The following DNM3 variants were observed in gnomAD, a reference collection of about 807,000 sequenced individuals.
DNM3 encodes dynamin 3.
Under a neutral mutation model 101.6 loss-of-function variants are expected in DNM3, and 47 were observed. The observed-to-expected ratio is 0.46, with a 90% CI of 0.37 to 0.59. The LOEUF (loss-of-function observed/expected upper bound fraction) is 0.59. Ranked by LOEUF, DNM3 falls within the 20% of genes least tolerant of loss-of-function variation. The pLI, the probability that DNM3 is intolerant of heterozygous loss-of-function variation, is 0.00. For synonymous variants in DNM3, 385 were observed against 387.9 expected, an observed-to-expected ratio of 0.99 and a Z score of 0.09; for missense variants, 849 against 1,085.7, an observed-to-expected ratio of 0.78 and a Z score of 3.06.
At chr1:172,117,453 A>AT (rs916491298) in intron 13 of DNM3, among the ~76,000 whole-genome samples, 9 of 152,122 alleles carry the variant, frequency 5.9e-5, no homozygotes, top group African/African-American at 1.4e-4. Context: ...TATTCTCATG[A>AT]TAGTGAGTAA....
chr1:172,233,252 A>G (rs2061407570), intron 14 of DNM3, among the ~76,000 whole-genome samples: 1 of 152,216 alleles, frequency 6.6e-6, no homozygotes, highest in South Asian at 2.1e-4. Context: ...AGAGAGTACT[A>G]TAAACAACTC....
intron 14 of DNM3, chr1:172,144,854 G>A (rs1403171088): frequency 6.2e-6 from 2 of 320,690 alleles, no homozygotes; most frequent in East Asian, 8.5e-5. Context: ...CTGGGCTGGA[G>A]AGTCCATATA....
chr1:172,343,807 CT>C (rs1005120163), intron 17 of DNM3, among the ~76,000 whole-genome samples: 2 of 151,740 alleles, frequency 1.3e-5, no homozygotes, highest in Admixed American at 6.6e-5. Flanking sequence ...CAGAATGGTC[CT>C]TTTTTTTGCC....
intron 17 of DNM3, among the ~76,000 whole-genome samples, chr1:172,353,802 C>A (rs1303164686): frequency 6.6e-6 from 1 of 152,002 alleles, no homozygotes; most frequent in Admixed American, 6.6e-5. Context: ...ATAAGTGAAA[C>A]AACTTGAAAA....
At chr1:171,957,359 G>A (rs560292899) in intron 2 of DNM3, among the ~76,000 whole-genome samples, 2 of 151,780 alleles carry the variant, frequency 1.3e-5, no homozygotes, top group South Asian at 2.1e-4. Context: ...CACCACACTC[G>A]GCTAATTTTT....
intron 15 of DNM3, among the ~76,000 whole-genome samples, chr1:172,300,889 A>C (rs1267186929): frequency 6.6e-6 from 1 of 152,240 alleles, no homozygotes; most frequent in Non-Finnish European, 1.5e-5. Flanking sequence ...AAGTATCTGA[A>C]TTACACCACT....
At chr1:172,381,066 T>C (rs200200611) in intron 18 of DNM3, 2 of 86,340 alleles carry the variant, frequency 2.3e-5, no homozygotes, top group Non-Finnish European at 3.1e-5. Flanking sequence ...TGCACACACA[T>C]ATGCGCACAC....
intron 14 of DNM3, among the ~76,000 whole-genome samples, chr1:172,190,638 T>A (rs1572887144): frequency 6.6e-6 from 1 of 152,306 alleles, no homozygotes; most frequent in East Asian, 1.9e-4. Flanking sequence ...ACCAACAGTA[T>A]AAAAGTGTTC....
At chr1:172,374,590 A>G (rs1573649162) in intron 17 of DNM3, among the ~76,000 whole-genome samples, 1 of 152,072 alleles carries the variant, frequency 6.6e-6, no homozygotes, top group African/African-American at 2.4e-5. Context: ...GTGTAATTGT[A>G]TTTACATTGA....
chr1:172,303,636 C>T (rs577914261), intron 15 of DNM3, among the ~76,000 whole-genome samples: 16 of 152,268 alleles, frequency 1.1e-4, no homozygotes, highest in African/African-American at 3.6e-4. Context: ...AGAGAAAGGT[C>T]GGGTTACCCA....
At chr1:171,843,386 G>T (rs2031575038) in intron 1 of DNM3, among the ~76,000 whole-genome samples, 1 of 152,058 alleles carries the variant, frequency 6.6e-6, no homozygotes, top group African/African-American at 2.4e-5. Context: ...TACTTTCTTT[G>T]ATTTGTTGCC....
At chr1:172,012,559 C>A (rs1046270600) in intron 4 of DNM3, among the ~76,000 whole-genome samples, 2 of 151,882 alleles carry the variant, frequency 1.3e-5, no homozygotes, top group Admixed American at 6.6e-5. Context: ...TTTTGGAGTG[C>A]AAATTCTCAG....
At chr1:172,286,068 T>TTATATATA (rs143628364) in intron 15 of DNM3, among the ~76,000 whole-genome samples, 12,608 of 147,350 alleles carry the variant, frequency 0.086, 589 homozygotes, top group South Asian at 0.15. Flanking sequence ...AGTGAGTTAT[T>TTATATATA]TATATATATA....
At chr1:171,920,868 T>A (rs1558267072) in intron 1 of DNM3, among the ~76,000 whole-genome samples, 1 of 152,232 alleles carries the variant, frequency 6.6e-6, no homozygotes, top group Non-Finnish European at 1.5e-5. Flanking sequence ...TTGCAATGTT[T>A]GTTTTCTGCT....
At chr1:171,908,383 A>G (rs2039002644) in intron 1 of DNM3, among the ~76,000 whole-genome samples, 1 of 152,224 alleles carries the variant, frequency 6.6e-6, no homozygotes, top group Non-Finnish European at 1.5e-5. Flanking sequence ...AATATAGATT[A>G]GGTTGCATAA....
chr1:172,122,620 A>C (rs1262600844), intron 13 of DNM3, among the ~76,000 whole-genome samples: 2 of 152,188 alleles, frequency 1.3e-5, no homozygotes, highest in African/African-American at 4.8e-5. Flanking sequence ...CCTGTTAATC[A>C]GTTTCCTGTT....
intron 1 of DNM3, among the ~76,000 whole-genome samples, chr1:171,907,636 A>T (rs1370945513): frequency 6.6e-6 from 1 of 152,082 alleles, no homozygotes. Flanking sequence ...CTCTGACCTA[A>T]TATCTGACTT....
intron 14 of DNM3, among the ~76,000 whole-genome samples, chr1:172,146,309 A>G (rs536808151): frequency 6.9e-4 from 105 of 152,304 alleles, no homozygotes; most frequent in African/African-American, 2.5e-3. Flanking sequence ...ATAGCACACT[A>G]CTGAAGAGTT....
intron 17 of DNM3, among the ~76,000 whole-genome samples, chr1:172,337,839 C>CATTTTATTTT (rs770458024): frequency 7.0e-6 from 1 of 143,418 alleles, no homozygotes; most frequent in East Asian, 2.0e-4. Flanking sequence ...TGGGAGTATT[C>CATTTTATTTT]ATTTTATTTT....
Sources: gnomAD v4.1 joint callset for allele counts (sites outside exome capture counted in the v4.1 genomes callset) on GRCh38, gnomAD v4.1.1 for gene constraint, MANE v1.5 for transcripts, NCBI Gene and HGNC (gene_info 2026-07-23, HGNC 2026-07-21) for gene names.